Variants in LRFN2 observed in about 807,000 individuals in gnomAD.
LRFN2 encodes leucine rich repeat and fibronectin type III domain containing 2, also known as leucine-rich repeat and fibronectin type-III domain-containing protein 2.
In LRFN2, 18 loss-of-function variants were observed where a neutral mutation model predicts 37.3. The ratio of observed to expected loss-of-function variants is 0.48; its 90% confidence interval spans 0.33 to 0.72. The LOEUF is 0.72. Among genes scored for constraint, LRFN2 ranks in the 30% least tolerant of loss-of-function variants. The pLI is 0.02. For missense variants in LRFN2, 1,006 were observed against 1,060.7 expected, an observed-to-expected ratio of 0.95 and a Z score of 0.72; for synonymous variants, 556 against 466.6, an observed-to-expected ratio of 1.19 and a Z score of -2.47.
intron 1 of LRFN2, among the ~76,000 whole-genome samples, chr6:40,533,248 G>A (rs548397139): frequency 2.0e-5 from 3 of 151,520 alleles, no homozygotes; most frequent in African/African-American, 7.3e-5. Flanking sequence ...CCCTTGACTG[G>A]AAGAAATACA....
chr6:40,545,830 A>G (rs1422206567), intron 1 of LRFN2, among the ~76,000 whole-genome samples: 2 of 152,182 alleles, frequency 1.3e-5, no homozygotes, highest in African/African-American at 4.8e-5. Context: ...AAGGCTGCCA[A>G]CATCCTTTGG....
chr6:40,525,159 C>A (rs904737411), intron 1 of LRFN2, among the ~76,000 whole-genome samples: 1 of 152,174 alleles, frequency 6.6e-6, no homozygotes, highest in African/African-American at 2.4e-5. Context: ...CTGCTGTCCC[C>A]CTCTGGGGCC....
At chr6:40,574,050 C>T (rs1767233176) in intron 1 of LRFN2, among the ~76,000 whole-genome samples, 1 of 152,186 alleles carries the variant, frequency 6.6e-6, no homozygotes. Flanking sequence ...GACAGGTGGT[C>T]ACCCTAGACT....
intron 1 of LRFN2, among the ~76,000 whole-genome samples, chr6:40,449,291 G>A (rs1288205747): frequency 6.6e-6 from 1 of 152,132 alleles, no homozygotes; most frequent in Non-Finnish European, 1.5e-5. Flanking sequence ...TATACAAATT[G>A]TAAATTTACA....
intron 1 of LRFN2, among the ~76,000 whole-genome samples, chr6:40,444,248 T>C (rs1763911906): frequency 6.6e-6 from 1 of 151,730 alleles, no homozygotes; most frequent in Non-Finnish European, 1.5e-5. Context: ...CACTTGGAAG[T>C]ATAGGAAAAC....
chr6:40,397,862 G>A (rs2436728), intron 2 of LRFN2, among the ~76,000 whole-genome samples: 54,885 of 149,352 alleles, frequency 0.37, 11,422 homozygotes, highest in East Asian at 0.53. Flanking sequence ...GTGGCTCACA[G>A]ATGGATGCCG....
At chr6:40,399,432 TTTTTTC>T (rs1422155982) in intron 2 of LRFN2, among the ~76,000 whole-genome samples, 2 of 117,460 alleles carry the variant, frequency 1.7e-5, no homozygotes, top group Admixed American at 1.8e-4. Context: ...TTTTCTTTTT[TTTTTTC>T]TTTTTTTTTT....
chr6:40,476,139 T>C (rs1224941628), intron 1 of LRFN2, among the ~76,000 whole-genome samples: 2 of 152,188 alleles, frequency 1.3e-5, no homozygotes, highest in Non-Finnish European at 2.9e-5. Context: ...CACAACCCTG[T>C]ACCTTAGTCA....
chr6:40,519,849 G>C (rs1470401318), intron 1 of LRFN2, among the ~76,000 whole-genome samples: 4 of 152,200 alleles, frequency 2.6e-5, no homozygotes, highest in African/African-American at 9.6e-5. Context: ...GGGATGAAAT[G>C]ATGAGTAAGA....
chr6:40,485,973 C>G (rs146420628), intron 1 of LRFN2, among the ~76,000 whole-genome samples: 1 of 152,330 alleles, frequency 6.6e-6, no homozygotes, highest in African/African-American at 2.4e-5. Context: ...CTCAGCCCCC[C>G]TGGGGAACTC....
intron 1 of LRFN2, among the ~76,000 whole-genome samples, chr6:40,454,565 G>A (rs1764195465): frequency 6.6e-6 from 1 of 152,134 alleles, no homozygotes; most frequent in Non-Finnish European, 1.5e-5. Context: ...AATCATTTGT[G>A]ATTGGCCATC....
At chr6:40,409,846 A>G (rs956853242) in intron 2 of LRFN2, among the ~76,000 whole-genome samples, 1 of 152,090 alleles carries the variant, frequency 6.6e-6, no homozygotes, top group African/African-American at 2.4e-5. Context: ...CCCCCTGGTG[A>G]GAGACTAGCT....
chr6:40,440,892 A>G (rs1763819582), intron 1 of LRFN2, among the ~76,000 whole-genome samples: 2 of 152,040 alleles, frequency 1.3e-5, no homozygotes, highest in African/African-American at 4.8e-5. Flanking sequence ...CAAATAAACT[A>G]CTTACACTCA....
chr6:40,516,508 T>C (rs205520), intron 1 of LRFN2: 96,639 of 152,086 alleles, frequency 0.64, 31,529 homozygotes, highest in African/African-American at 0.78. Context: ...GTGGCCCACA[T>C]GCCACTGTGA....
chr6:40,409,444 T>G (rs1468859474), intron 2 of LRFN2, among the ~76,000 whole-genome samples: 2 of 152,250 alleles, frequency 1.3e-5, no homozygotes, highest in African/African-American at 4.8e-5. Context: ...CTATGATATT[T>G]GTTCAGTACA....
At chr6:40,520,563 G>T (rs1766031569) in intron 1 of LRFN2, among the ~76,000 whole-genome samples, 1 of 152,202 alleles carries the variant, frequency 6.6e-6, no homozygotes. Flanking sequence ...TGGCCTTCCT[G>T]TCCTTTCCTA....
chr6:40,418,058 A>C (rs1296903943), intron 2 of LRFN2, among the ~76,000 whole-genome samples: 5 of 152,152 alleles, frequency 3.3e-5, no homozygotes, highest in African/African-American at 1.2e-4. Context: ...GTCTCATTCA[A>C]GATAAAATCC....
chr6:40,540,626 C>T (rs896458954), intron 1 of LRFN2, among the ~76,000 whole-genome samples: 6 of 152,298 alleles, frequency 3.9e-5, no homozygotes, highest in East Asian at 1.9e-4. Flanking sequence ...CTGCCTCTGC[C>T]GCAGTATCGT....
chr6:40,421,907 T>C (rs1763237336), intron 2 of LRFN2, among the ~76,000 whole-genome samples: 1 of 152,230 alleles, frequency 6.6e-6, no homozygotes, highest in South Asian at 2.1e-4. Context: ...TCACGCTTTG[T>C]CATCTCTTTC....
Sources: gnomAD v4.1 joint callset for allele counts (sites outside exome capture counted in the v4.1 genomes callset) on GRCh38, gnomAD v4.1.1 for gene constraint, MANE v1.5 for transcripts, NCBI Gene and HGNC (gene_info 2026-07-23, HGNC 2026-07-21) for gene names.